The following RASAL2 variants were observed in gnomAD, a reference collection of about 807,000 sequenced individuals.
The protein encoded by RASAL2 is ras GTPase-activating protein nGAP.
Under a neutral mutation model 128.9 loss-of-function variants are expected in RASAL2, and 58 were observed. The ratio of observed to expected loss-of-function variants is 0.45; its 90% CI spans 0.36 to 0.56. The LOEUF (loss-of-function observed/expected upper bound fraction) is 0.56. Among genes scored for constraint, RASAL2 ranks in the 20% least tolerant of loss-of-function variants. RASAL2 has a pLI of 0.00. For missense variants in RASAL2, 1,360 were observed against 1,601.6 expected, an observed-to-expected ratio of 0.85 and a Z score of 2.57; for synonymous variants, 561 against 580.8, an observed-to-expected ratio of 0.97 and a Z score of 0.49.
At chr1:178,463,408 C>T (rs549777065) in intron 14 of RASAL2, among the ~76,000 whole-genome samples, 55 of 152,292 alleles carry the variant, frequency 3.6e-4, no homozygotes, top group Admixed American at 7.8e-4. Flanking sequence ...TGACACCTAA[C>T]CTCTCTGTAG....
intron 4 of RASAL2, among the ~76,000 whole-genome samples, chr1:178,415,739 ACT>A (rs895103382): frequency 3.0e-4 from 46 of 152,152 alleles, no homozygotes; most frequent in African/African-American, 1.1e-3. Context: ...GTCTCTTGAC[ACT>A]CTGTTATTAA....
chr1:178,420,748 C>T lies in RASAL2; in HGVS notation c.674+128C>T, dbSNP rs1484488283. The T allele has an allele frequency of 3.9e-5, 26 of 662,414 alleles. No individual in the cohort carries two copies. The Middle Eastern group carries it at 1.7e-3, about 43-fold the overall frequency. The allele number at this position is 662,414 out of a possible 1,614,324, so 41.0% of individuals were successfully genotyped here. A position where few individuals can be genotyped will look rare whatever the true frequency, so the allele number is the denominator to read the frequency against. On this transcript the variant is annotated intron_variant, in intron 5 of 17. Coordinates refer to ENST00000367649, the MANE Select transcript of RASAL2 (RefSeq NM_170692.4). ...TACAATAAAAAATTGACTTTTATGT[C>T]GTGTTCATATTAAGGCAAGATACAA...
intron 3 of RASAL2, among the ~76,000 whole-genome samples, chr1:178,339,894 G>A (rs1669779074): frequency 6.6e-6 from 1 of 152,142 alleles, no homozygotes; most frequent in Non-Finnish European, 1.5e-5. Context: ...TTCAAGCAGT[G>A]AATGACTGGT....
At chr1:178,315,235 T>A (rs970767383) in intron 3 of RASAL2, among the ~76,000 whole-genome samples, 8 of 149,702 alleles carry the variant, frequency 5.3e-5, no homozygotes, top group African/African-American at 2.0e-4. Flanking sequence ...TTGTGAATAA[T>A]GCCGCAATAA....
chr1:178,324,817 A>G (rs1444758855), intron 3 of RASAL2, among the ~76,000 whole-genome samples: 1 of 152,112 alleles, frequency 6.6e-6, no homozygotes, highest in Non-Finnish European at 1.5e-5. Flanking sequence ...GGATTTATAA[A>G]TCAGATTGGT....
At chr1:178,457,158 A>T (rs10913554) in intron 13 of RASAL2, among the ~76,000 whole-genome samples, 5,820 of 152,324 alleles carry the variant, frequency 0.038, 363 homozygotes, top group African/African-American at 0.13. Context: ...TTAGTGGAAG[A>T]CTAAAGGCTT....
chr1:178,443,314 T>G (rs780992046), intron 8 of RASAL2, 85 bp downstream of exon 8: 10 of 1,251,018 alleles, frequency 8.0e-6, no homozygotes, highest in African/African-American at 1.5e-5. Context: ...GAAATCCAAA[T>G]TAGAGAAATG....
intron 1 of RASAL2, among the ~76,000 whole-genome samples, chr1:178,244,990 G>T (rs1308038776): frequency 6.6e-6 from 1 of 152,124 alleles, no homozygotes; most frequent in Non-Finnish European, 1.5e-5. Flanking sequence ...TGGGCATTTG[G>T]GTTGGTTCCA....
chr1:178,344,079 T>A (rs1356521846), intron 3 of RASAL2, among the ~76,000 whole-genome samples: 1 of 152,172 alleles, frequency 6.6e-6, no homozygotes, highest in African/African-American at 2.4e-5. Flanking sequence ...CAGTGTTTTC[T>A]TGAAGGCAGA....
At chr1:178,335,077 T>C (rs1669521090) in intron 3 of RASAL2, among the ~76,000 whole-genome samples, 1 of 151,502 alleles carries the variant, frequency 6.6e-6, no homozygotes, top group African/African-American at 2.4e-5. Flanking sequence ...AATAAAAGAG[T>C]TTTGTTTTTG....
intron 1 of RASAL2, among the ~76,000 whole-genome samples, chr1:178,183,993 C>T (rs1451595374): frequency 6.6e-6 from 1 of 152,114 alleles, no homozygotes; most frequent in Admixed American, 6.5e-5. Flanking sequence ...TTTAGCCAGT[C>T]TAATAGGTAT....
chr1:178,296,991 A>G (rs1427130961), intron 2 of RASAL2, among the ~76,000 whole-genome samples: 1 of 151,192 alleles, frequency 6.6e-6, no homozygotes, highest in Non-Finnish European at 1.5e-5. Context: ...TTTTTAGTTG[A>G]GGCAAAAGAA....
Position 178,217,633 on chromosome 1 carries a change from G to A in RASAL2, c.203-65931G>A, listed in dbSNP as rs138739087. Among the ~76,000 whole-genome samples, 201 of 152,274 alleles carry A rather than the reference G, an allele frequency of 1.3e-3. 1 individual carries two copies. The highest frequency in any genetic ancestry group is 4.6e-3 in the African/African-American group (192 of 41,562). ...AGTCCATATAAAAGTTGTGCATTAT[G>A]TCTAAAAAATCACATACCTGAATTT... On this transcript the variant is annotated intron_variant, in intron 1 of 17. Transcript: ENST00000367649.
At chr1:178,433,567 C>CA (rs142161383) in intron 5 of RASAL2, among the ~76,000 whole-genome samples, 5,725 of 152,038 alleles carry the variant, frequency 0.038, 355 homozygotes, top group African/African-American at 0.13. Context: ...TTTATTCAAC[C>CA]AAACGAGAAA....
intron 3 of RASAL2, among the ~76,000 whole-genome samples, chr1:178,380,731 G>T (rs925118892): frequency 2.0e-5 from 3 of 152,110 alleles, no homozygotes; most frequent in Non-Finnish European, 1.5e-5. Flanking sequence ...CATTGTGAGA[G>T]AAATACTTAA....
rs768829308 is a variant in RASAL2 at position 178,452,432 on chromosome 1, T to G, written c.1789T>G (p.Leu597Val). Residue 597 changes from leucine (L) to valine (V), a missense_variant, in exon 11 of 18, where the codon TTG becomes GTG. Transcript: ENST00000367649. ...INSYCVFPRE[L>V]KEVFASWKQQ... Reference sequence around the variant, plus strand: ...CTTCCCTAGTGTTTTCCCTCGTGAGTTGAAAGAAGTGTTTGCATCATGGAA... The same window carrying G: ...CTTCCCTAGTGTTTTCCCTCGTGAGGTGAAAGAAGTGTTTGCATCATGGAA... 6.2e-7 allele frequency: 1 copy of G among 1,613,824 alleles called. No individual in the cohort carries two copies. Among genetic ancestry groups the G allele is most frequent in the African/African-American group, 1.3e-5 (1 of 74,882 alleles).
chr1:178,291,160 A>G (rs1348971835), intron 2 of RASAL2, among the ~76,000 whole-genome samples: 1 of 152,222 alleles, frequency 6.6e-6, no homozygotes, highest in East Asian at 1.9e-4. Flanking sequence ...TTCTGAGTGT[A>G]TATAATGATA....
intron 1 of RASAL2, among the ~76,000 whole-genome samples, chr1:178,161,635 G>T (rs1281084098): frequency 1.3e-5 from 2 of 152,148 alleles, no homozygotes; most frequent in Non-Finnish European, 2.9e-5. Flanking sequence ...GCCTAGGAAT[G>T]AAATGTCTGG....
chr1:178,371,327 C>CACACACACACAA (rs1671688106), intron 3 of RASAL2, among the ~76,000 whole-genome samples: 1 of 129,056 alleles, frequency 7.7e-6, no homozygotes, highest in Non-Finnish European at 1.5e-5. Flanking sequence ...CTTTCCCACA[C>CACACACACACAA]ACACACACAC....
Sources: gnomAD v4.1 joint callset for allele counts (sites outside exome capture counted in the v4.1 genomes callset) on GRCh38, gnomAD v4.1.1 for gene constraint, MANE v1.5 for transcripts, NCBI Gene and HGNC (gene_info 2026-07-23, HGNC 2026-07-21) for gene names.